Variants in NEBL observed in about 807,000 individuals in gnomAD.
NEBL encodes the protein LIM and SH3 protein 2.
Under a neutral mutation model 140.2 loss-of-function variants are expected in NEBL, and 122 were observed. The ratio of observed to expected loss-of-function variants is 0.87; its 90% CI spans 0.75 to 1.01. The LOEUF (loss-of-function observed/expected upper bound fraction) is 1.01. Among genes scored for constraint, NEBL ranks in the 50% least tolerant of loss-of-function variants. The pLI is 0.00. For missense variants in NEBL, 1,365 were observed against 1,231.3 expected (o/e 1.11, Z -1.62); for synonymous variants, 436 against 398.9 (o/e 1.09, Z -1.11).
At chr10:21,172,085 C>T (rs1841098156) in intron 2 of NEBL, 1 of 413,472 alleles carries the variant, frequency 2.4e-6, no homozygotes, top group Non-Finnish European at 4.5e-6. Context: ...TCAGAGCCCA[C>T]ACGTTCTCAG....
intron 23 of NEBL, chr10:20,813,684 T>A (rs2130792591): frequency 2.3e-6 from 1 of 434,716 alleles, no homozygotes; most frequent in Non-Finnish European, 4.2e-6. Context: ...CACAAATATC[T>A]TTCACACTAT....
rs1212830279 is a variant in NEBL, at chr10:21,030,222, C to G, written c.165-10021G>C. The G allele has an allele frequency of 1.7e-5, 9 of 526,878 alleles. No individual in the cohort carries two copies. The East Asian group carries it at 3.7e-4, about 22-fold the overall frequency. 32.6% of individuals were successfully genotyped at this position (526,878 alleles called of 1,614,324 possible). On this transcript the variant is annotated intron_variant, in intron 2 of 6. Transcript: ENST00000417816. ...GAATGACGGCCTCGGGAGAGACACC[C>G]AAGCTGGCGAAGTGAAGAAACCCAG... is the stretch of plus-strand genomic sequence containing the variant.
Position 21,288,818 on chromosome 10 carries a change from G to GTATA in NEBL, n.182+4011_182+4012insTATA, listed in dbSNP as rs757155594. On this transcript the variant is annotated intron_variant and non_coding_transcript_variant, in intron 1 of 8. Transcript: ENST00000675702. ...CATCTGACAATATATACGTGTGTGT[G>GTATA]TGTATATATATATATATATATATAT... Among the ~76,000 whole-genome samples, 243 of 32,640 alleles carry GTATA rather than the reference G, an allele frequency of 7.4e-3. 5 individuals are homozygous for GTATA. Among genetic ancestry groups the GTATA allele is most frequent in the African/African-American group, 0.012 (106 of 9,122 alleles). The allele number at this position is 32,640 out of a possible 152,430, so 21.4% of individuals were successfully genotyped here. A position where few individuals can be genotyped will look rare whatever the true frequency, so the allele number is the denominator to read the frequency against.
chr10:21,237,676 A>G (rs924696640), intron 3 of NEBL, among the ~76,000 whole-genome samples: 2 of 151,692 alleles, frequency 1.3e-5, no homozygotes, highest in Non-Finnish European at 2.9e-5. Context: ...GCACCATGTC[A>G]GCTCACTGCA....
chr10:21,184,104 T>C (rs1362453389), intron 3 of NEBL, among the ~76,000 whole-genome samples: 2 of 152,142 alleles, frequency 1.3e-5, no homozygotes, highest in Non-Finnish European at 2.9e-5. Context: ...TGAAAACTAA[T>C]ACACAGGCCA....
intron 1 of NEBL, among the ~76,000 whole-genome samples, chr10:21,287,391 C>T (rs1038167453): frequency 6.6e-5 from 10 of 152,044 alleles, no homozygotes; most frequent in Non-Finnish European, 1.0e-4. Context: ...CAAAAACTAG[C>T]CAGGCAGGGT....
At chr10:21,022,265 C>T (rs1231048805) in intron 2 of NEBL, among the ~76,000 whole-genome samples, 3 of 152,164 alleles carry the variant, frequency 2.0e-5, no homozygotes, top group Non-Finnish European at 4.4e-5. Context: ...TGTGTCTCTT[C>T]CTGTGGCTTC....
chr10:21,003,281 G>A (rs1189564379), intron 3 of NEBL, among the ~76,000 whole-genome samples: 6 of 152,150 alleles, frequency 3.9e-5, no homozygotes, highest in Middle Eastern at 3.4e-3. Flanking sequence ...GACCTCCCAC[G>A]CCATGCAGCT....
chr10:20,795,288 C>T (rs995447678), intron 26 of NEBL, among the ~76,000 whole-genome samples: 1 of 152,002 alleles, frequency 6.6e-6, no homozygotes, highest in Non-Finnish European at 1.5e-5. Flanking sequence ...TATGTGCCAG[C>T]CAGGCTTGTT....
In NEBL at chr10:21,095,754, G is replaced by T. The variant is rs75354282; in HGVS notation, c.165-75553C>A. Among the ~76,000 whole-genome samples, 239 of 152,316 alleles carry T rather than the reference G, an allele frequency of 1.6e-3. 8 individuals carry two copies. In the East Asian group the frequency reaches 0.041, roughly 26 times the overall value. On this transcript the variant is annotated intron_variant, in intron 2 of 6. Transcript: ENST00000417816. ...GGTTAGCTTCATCTTGATGCAATGAGATGTAATATATTCCCTTCAGCTTTT... is the reference window on the plus strand; with the variant it reads ...GGTTAGCTTCATCTTGATGCAATGATATGTAATATATTCCCTTCAGCTTTT...
chr10:21,192,795 A>C (rs973073684), intron 3 of NEBL, among the ~76,000 whole-genome samples: 2 of 151,622 alleles, frequency 1.3e-5, no homozygotes, highest in African/African-American at 4.8e-5. Flanking sequence ...CAGTAAGCCA[A>C]GATCATGCCT....
At chr10:21,187,787 T>C (rs1360351061) in intron 3 of NEBL, among the ~76,000 whole-genome samples, 1 of 152,210 alleles carries the variant, frequency 6.6e-6, no homozygotes, top group Non-Finnish European at 1.5e-5. Flanking sequence ...GTGCTGGGAT[T>C]ACAGATGTGA....
chr10:21,258,491 G>A (rs1233805674), intron 1 of NEBL, among the ~76,000 whole-genome samples: 1 of 152,144 alleles, frequency 6.6e-6, no homozygotes, highest in Non-Finnish European at 1.5e-5. Flanking sequence ...GATCAACTGA[G>A]GCTGGGAGTT....
chr10:21,029,018 A>C (rs1833661081), intron 2 of NEBL: 26 of 743,762 alleles, frequency 3.5e-5, no homozygotes, highest in Non-Finnish European at 5.3e-5. Flanking sequence ...TCAGCAAAAA[A>C]GACGAATAAG....
intron 5 of NEBL, among the ~76,000 whole-genome samples, chr10:20,878,968 G>C (rs1464477901): frequency 6.6e-6 from 1 of 152,150 alleles, no homozygotes; most frequent in East Asian, 1.9e-4. Flanking sequence ...CCGGGGATCC[G>C]TGTAACACCA....
chr10:20,807,874 T>C (rs1239690479), intron 26 of NEBL, among the ~76,000 whole-genome samples: 1 of 152,096 alleles, frequency 6.6e-6, no homozygotes, highest in Non-Finnish European at 1.5e-5. Flanking sequence ...TTCATTGAAG[T>C]TCTAGGCTTA....
At chr10:20,787,464 T>C (rs1260600770) in intron 26 of NEBL, among the ~76,000 whole-genome samples, 156 bp from the exon 27 acceptor site, 2 of 152,186 alleles carry the variant, frequency 1.3e-5, no homozygotes, top group African/African-American at 4.8e-5. Flanking sequence ...TTATAAGTGA[T>C]CTCTAGATTA....
chr10:20,951,200 C>T (rs1199472681), intron 4 of NEBL, among the ~76,000 whole-genome samples: 2 of 152,140 alleles, frequency 1.3e-5, no homozygotes, highest in Admixed American at 6.5e-5. Flanking sequence ...AACATGACTT[C>T]CTACTTCTTG....
intron 2 of NEBL, among the ~76,000 whole-genome samples, chr10:21,119,523 A>C (rs1007225936): frequency 6.7e-6 from 1 of 149,562 alleles, no homozygotes; most frequent in South Asian, 2.1e-4. Flanking sequence ...ATTGAGTAAT[A>C]TACTGAATAT....
Sources: gnomAD v4.1 joint callset for allele counts (sites outside exome capture counted in the v4.1 genomes callset) on GRCh38, gnomAD v4.1.1 for gene constraint, MANE v1.5 for transcripts, NCBI Gene and HGNC (gene_info 2026-07-23, HGNC 2026-07-21) for gene names.